Variants in ENTREP2 observed in about 807,000 individuals in gnomAD.
ENTREP2 encodes endosomal transmembrane epsin interactor 2.
the ENTREP2 span, among the ~76,000 whole-genome samples, chr15:29,296,153 C>A: frequency 6.6e-6 from 1 of 152,098 alleles, no homozygotes; most frequent in Non-Finnish European, 1.5e-5. Context: ...TGAGCCAATT[C>A]CTGAAAACAA....
At chr15:29,210,629 C>T in the ENTREP2 span, among the ~76,000 whole-genome samples, 1 of 152,176 alleles carries the variant, frequency 6.6e-6, no homozygotes, top group Non-Finnish European at 1.5e-5. Context: ...CATCCCTGAC[C>T]TGGACCCTCC....
chr15:29,565,030 G>T, the ENTREP2 span, among the ~76,000 whole-genome samples: 1 of 152,182 alleles, frequency 6.6e-6, no homozygotes, highest in Admixed American at 6.5e-5. Flanking sequence ...TGAATTGGAA[G>T]ATTTAATATG....
chr15:29,259,419 C>T, the ENTREP2 span, among the ~76,000 whole-genome samples: 1 of 152,144 alleles, frequency 6.6e-6, no homozygotes, highest in African/African-American at 2.4e-5. Flanking sequence ...CTCTAGCTCC[C>T]CCTAAAGTAC....
chr15:29,592,708 A>C, the ENTREP2 span, among the ~76,000 whole-genome samples: 1 of 152,106 alleles, frequency 6.6e-6, no homozygotes, highest in South Asian at 2.1e-4. Context: ...CTGGGTTCTC[A>C]CGGGAGGTGT....
At chr15:29,499,536 A>G in the ENTREP2 span, among the ~76,000 whole-genome samples, 1 of 150,168 alleles carries the variant, frequency 6.7e-6, no homozygotes, top group African/African-American at 2.5e-5. Context: ...TGCACACACT[A>G]GGCTAATTTT....
chr15:29,187,476 A>AT, the ENTREP2 span, among the ~76,000 whole-genome samples: 13 of 152,054 alleles, frequency 8.5e-5, no homozygotes, highest in African/African-American at 4.8e-5. Context: ...AAGTTTCATC[A>AT]TTTTGGCCAG....
At chr15:29,299,248 G>T in the ENTREP2 span, among the ~76,000 whole-genome samples, 1 of 152,148 alleles carries the variant, frequency 6.6e-6, no homozygotes, top group Non-Finnish European at 1.5e-5. Context: ...AAACTCCTTC[G>T]GCCTCAGCAG....
At chr15:29,397,266 C>T in the ENTREP2 span, among the ~76,000 whole-genome samples, 1 of 152,160 alleles carries the variant, frequency 6.6e-6, no homozygotes, top group African/African-American at 2.4e-5. Context: ...TGGTATGTGC[C>T]TGTAGTCCCA....
chr15:29,481,474 G>T, the ENTREP2 span, among the ~76,000 whole-genome samples: 1 of 151,976 alleles, frequency 6.6e-6, no homozygotes, highest in Non-Finnish European at 1.5e-5. Context: ...AAGACAGACT[G>T]ATTATACAAA....
chr15:29,199,218 G>A, the ENTREP2 span, among the ~76,000 whole-genome samples: 2 of 152,140 alleles, frequency 1.3e-5, no homozygotes, highest in Admixed American at 6.6e-5. Flanking sequence ...AGCACTGTTC[G>A]AGGGTCCCCA....
the ENTREP2 span, among the ~76,000 whole-genome samples, chr15:29,616,247 C>A: frequency 0.014 from 2,179 of 152,244 alleles, 62 homozygotes; most frequent in African/African-American, 0.05. Flanking sequence ...TTAAGGCAGA[C>A]CTTTGGACAA....
At chr15:29,287,509 C>T in the ENTREP2 span, among the ~76,000 whole-genome samples, 1 of 152,008 alleles carries the variant, frequency 6.6e-6, no homozygotes, top group African/African-American at 2.4e-5. Flanking sequence ...AACCAAAACA[C>T]CATACTCAAT....
At chr15:29,400,839 T>C in the ENTREP2 span, among the ~76,000 whole-genome samples, 2 of 152,238 alleles carry the variant, frequency 1.3e-5, no homozygotes, top group Admixed American at 6.5e-5. Flanking sequence ...GTCTGTGCCT[T>C]TGACGTGTGA....
chr15:29,403,850 C>T, the ENTREP2 span, among the ~76,000 whole-genome samples: 1 of 152,174 alleles, frequency 6.6e-6, no homozygotes, highest in Non-Finnish European at 1.5e-5. Context: ...AGCCTGGTTG[C>T]ACCCCCAAAG....
At chr15:29,223,828 C>A in the ENTREP2 span, among the ~76,000 whole-genome samples, 1 of 152,178 alleles carries the variant, frequency 6.6e-6, no homozygotes. Context: ...CTGCAGGTAT[C>A]CCAGCAGACG....
At chr15:29,198,189 G>T in the ENTREP2 span, among the ~76,000 whole-genome samples, 1 of 152,180 alleles carries the variant, frequency 6.6e-6, no homozygotes, top group South Asian at 2.1e-4. Context: ...GGGTAGAGGT[G>T]TCAGCTTGCA....
chr15:29,605,702 G>GT, the ENTREP2 span, among the ~76,000 whole-genome samples: 5 of 89,508 alleles, frequency 5.6e-5, no homozygotes, highest in African/African-American at 2.8e-4. Flanking sequence ...TGGGCATGAT[G>GT]GGGGGGTGCC....
the ENTREP2 span, among the ~76,000 whole-genome samples, chr15:29,437,865 G>A: frequency 6.6e-6 from 1 of 152,180 alleles, no homozygotes; most frequent in South Asian, 2.1e-4. Flanking sequence ...CATCAATTCT[G>A]AAAATGACCA....
the ENTREP2 span, among the ~76,000 whole-genome samples, chr15:29,254,208 C>A: frequency 5.3e-4 from 71 of 133,540 alleles, no homozygotes; most frequent in African/African-American, 1.8e-3. Context: ...GATATTCTGT[C>A]TAATGCACAC....
Sources: allele counts gnomAD v4.1 joint callset (sites outside exome capture counted in the v4.1 genomes callset), GRCh38; gene constraint gnomAD v4.1.1; transcripts MANE v1.5; gene names NCBI Gene and HGNC (gene_info 2026-07-23, HGNC 2026-07-21).